The following CAMTA2 variants were observed in gnomAD, a reference collection of about 807,000 sequenced individuals.
CAMTA2 encodes calmodulin binding transcription activator 2.
In CAMTA2, 56 loss-of-function variants were observed where a neutral mutation model predicts 135.7. The ratio of observed to expected loss-of-function variants is 0.41; its 90% CI spans 0.33 to 0.52. CAMTA2 has a LOEUF of 0.52. Among genes scored for constraint, CAMTA2 ranks in the 20% least tolerant of loss-of-function variants. CAMTA2 has a pLI of 0.16. For synonymous variants in CAMTA2, 591 were observed against 604.6 expected (o/e 0.98, Z 0.33); for missense variants, 1,358 against 1,553.4 (o/e 0.87, Z 2.11).
chr17:4,981,685 C>T lies in CAMTA2; in HGVS notation c.558G>A (p.Lys186=). The change falls in exon 7 of 23, where the codon AAG becomes AAA. Residue 186 remains lysine (K), a synonymous_variant. Coordinates refer to ENST00000348066, the MANE Select transcript of CAMTA2 (RefSeq NM_015099.4). The part of the protein sequence containing the change: ...WSREELLGQL[K]PMFHGIKWSC... ...CCCACCCTGCTGCCTTACACATGGG[C>T]TTCAGCTGTCCCAACAACTCCTCCC... 6.2e-7 allele frequency: 1 copy of T among 1,603,588 alleles called. No homozygotes were observed. Among genetic ancestry groups the T allele is most frequent in the Non-Finnish European group, 8.5e-7 (1 of 1,174,622 alleles).
chr17:4,969,512 C>G lies in CAMTA2; in HGVS notation c.3270G>C (p.Trp1090Cys). Reference protein sequence around the residue: ...RCYRKYKQLTWIALKFALYKK... With the variant: ...RCYRKYKQLTCIALKFALYKK... ...TCATGCCTAATACCTTAAGTGCAAT[C>G]CAGGTCAGCTTGTGGAGAGAGAAGG... The change falls in exon 20 of 23, where the codon TGG (tryptophan) becomes TGC (cysteine). Residue 1090 changes from tryptophan (W) to cysteine (C), a missense_variant. Coordinates refer to ENST00000348066, the MANE Select transcript of CAMTA2 (RefSeq NM_015099.4). The surrounding 1 kb of genome is among the most constrained non-coding windows in gnomAD (Gnocchi z 5.6). 1 of 1,614,140 alleles carries G rather than the reference C, an allele frequency of 6.2e-7. No individual in the cohort carries two copies. Among genetic ancestry groups the G allele is most frequent in the Non-Finnish European group, 8.5e-7 (1 of 1,180,008 alleles).
intron 14 of CAMTA2, 72 bp from the exon 15 acceptor site, chr17:4,973,063 G>A: frequency 6.6e-6 from 10 of 1,509,894 alleles, no homozygotes; most frequent in African/African-American, 1.4e-5. Flanking sequence ...CAGGTAGTCA[G>A]GTCTTCAGGC....
Position 4,969,746 on chromosome 17 carries a change from A to G in CAMTA2, c.3190-45T>C. 6.2e-7 allele frequency: 1 copy of G among 1,610,434 alleles called. No individual in the cohort carries two copies. The highest frequency in any genetic ancestry group is 2.2e-5 in the East Asian group (1 of 44,860). On this transcript the variant is annotated intron_variant, in intron 18 of 22. Coordinates refer to ENST00000348066, the MANE Select transcript of CAMTA2 (RefSeq NM_015099.4). This position sits in a 1 kb window ranked among gnomAD's most constrained non-coding sequence, Gnocchi z 5.6. ...ACCACCTCATGACCCACATAATGGCATATCTGACTTGTCCCTTCAACTTTC... is the reference window on the plus strand; with the variant it reads ...ACCACCTCATGACCCACATAATGGCGTATCTGACTTGTCCCTTCAACTTTC...
In CAMTA2 at chr17:4,968,375, CAGT is replaced by C. The variant is rs1297408116; in HGVS notation, c.*378_*380del. 5.8e-6 allele frequency: 2 copies of C among 342,284 alleles called. No homozygotes were observed. The highest frequency in any genetic ancestry group is 4.2e-5 in the African/African-American group (2 of 47,430). The allele number at this position is 342,284 out of a possible 1,614,324, so 21.2% of individuals were successfully genotyped here. The stretch of plus-strand genomic sequence containing the variant: ...ACACGAGGGGCGTGCGCAGCGAAGG[CAGT>C]GGTGGGAACCGAGGCGGATACATTC... On this transcript the variant is annotated 3_prime_UTR_variant, in exon 23 of 23. Transcript: ENST00000348066.
At chr17:4,978,838 C>T (rs1459120447) in intron 9 of CAMTA2, among the ~76,000 whole-genome samples, 2 of 152,184 alleles carry the variant, frequency 1.3e-5, no homozygotes, top group Non-Finnish European at 2.9e-5. Flanking sequence ...TGGTCTCTAC[C>T]TGAATCTGCC....
At chr17:4,985,029 A>C (rs1440245931) in intron 3 of CAMTA2, among the ~76,000 whole-genome samples, 1 of 123,782 alleles carries the variant, frequency 8.1e-6, no homozygotes, top group African/African-American at 2.8e-5. Flanking sequence ...AAAAAAAACA[A>C]ACAAAAATTA....
chr17:4,982,270 C>T (rs1164364256), intron 5 of CAMTA2, 110 bp from the exon 6 acceptor site: 1 of 809,768 alleles, frequency 1.2e-6, no homozygotes, highest in Non-Finnish European at 2.1e-6. Flanking sequence ...CTCTTCAACC[C>T]TTCCCCCACC....
intron 12 of CAMTA2, chr17:4,973,981 G>T (rs1027913972): frequency 1.7e-6 from 1 of 574,646 alleles, no homozygotes; most frequent in Non-Finnish European, 3.1e-6. Flanking sequence ...ACACAATCTT[G>T]CCCATGTGCC....
At position 4,972,409 on chromosome 17, in the gene CAMTA2, C is replaced by T. The variant is rs765769746; in HGVS notation, c.2631G>A (p.Glu877=). ...AGGAAAGCTGGCCTGGGGCCATGTC[C>T]TCCATAGTCATCTCAGAGGCTGGCA... The part of the protein sequence containing the change: ...APLPASEMTM[E]DMAPGQLSSG... Residue 877 remains glutamate, a synonymous_variant, in exon 16 of 23, where the codon GAG becomes GAA. Transcript: ENST00000348066. The T allele has an allele frequency of 3.1e-6, 5 of 1,613,998 alleles. No individual in the cohort carries two copies. In the African/African-American group the frequency reaches 5.3e-5, roughly 17 times the overall value.
At chr17:4,987,201 T>C (rs1973403303) in intron 1 of CAMTA2, 2 of 1,334,136 alleles carry the variant, frequency 1.5e-6, no homozygotes, top group African/African-American at 1.5e-5. Flanking sequence ...GGGCTGCACT[T>C]GGGCGGCGCC....
In CAMTA2 at chr17:4,973,631, C is replaced by T; in HGVS notation, c.2155G>A (p.Ala719Thr). Residue 719 changes from alanine to threonine, a missense_variant, in exon 13 of 23, where the codon GCT (alanine) becomes ACT (threonine). Ala to Thr is a moderately conservative substitution (Grantham distance 58). Around this residue, in one of 4 missense-constraint regions of CAMTA2, gnomAD observed 1,077 missense variants for 1,127.5 expected, o/e 0.96. Transcript: ENST00000348066. ...FRGMSLLHLA[A>T]AQGYARLIET... is the part of the protein sequence containing the mutation. ...ATGAGGCGGGCATAGCCCTGGGCAG[C>T]AGCCAGGTGCAGAAGGCTCATGCCC... The T allele has an allele frequency of 6.2e-7, 1 of 1,613,924 alleles. No individual in the cohort carries two copies. The highest frequency in any genetic ancestry group is 8.5e-7 in the Non-Finnish European group (1 of 1,179,954).
chr17:4,969,894 C>T lies in CAMTA2; in HGVS notation c.3189+8G>A, dbSNP rs1180475823. 1 of 1,613,760 alleles carries T rather than the reference C, an allele frequency of 6.2e-7. No homozygotes were observed. The highest frequency in any genetic ancestry group is 1.7e-5 in the Admixed American group (1 of 60,010). On this transcript the variant is annotated splice_region_variant and intron_variant, in intron 18 of 22. Coordinates refer to ENST00000348066, the MANE Select transcript of CAMTA2 (RefSeq NM_015099.4). This position sits in a 1 kb window ranked among gnomAD's most constrained non-coding sequence, Gnocchi z 5.6. ...TGTGTAATTCATCCTGAGACCCCTGCCCCTGACCTTGTACTTTCGGAAGGC... is the reference window on the plus strand; with the variant it reads ...TGTGTAATTCATCCTGAGACCCCTGTCCCTGACCTTGTACTTTCGGAAGGC...
rs1265717136 is a variant in CAMTA2 at position 4,978,542 on chromosome 17, G to A, written c.1727C>T (p.Ser576Leu). ...CVFDHIAVPASLVQPGVLRCY... is the reference protein window; with the variant it reads ...CVFDHIAVPALLVQPGVLRCY... ...GCGTAAGACACCAGGCTGGACAAGT[G>A]AGGCTGGCACTGCGATGTGATCAAA... is the stretch of plus-strand genomic sequence containing the variant. Residue 576 changes from serine to leucine, a missense_variant, in exon 10 of 23, where the codon TCA becomes TTA. This residue lies in a region of CAMTA2 where 1,077 missense variants were observed against 1,127.5 expected (regional missense o/e 0.96). Coordinates refer to ENST00000348066, the MANE Select transcript of CAMTA2 (RefSeq NM_015099.4). 3 of 1,614,002 alleles carry A rather than the reference G, an allele frequency of 1.9e-6. No homozygotes were observed. Among genetic ancestry groups the A allele is most frequent in the African/African-American group, 2.7e-5 (2 of 74,914 alleles).
chr17:4,977,316 C>G, intron 10 of CAMTA2, 124 bp from the exon 11 acceptor site: 1 of 1,261,212 alleles, frequency 7.9e-7, no homozygotes, highest in Non-Finnish European at 1.1e-6. Context: ...GGCCAAGAGG[C>G]CCCTGGCTTC....
chr17:4,973,035 G>A (rs752137353), intron 14 of CAMTA2, 44 bp from the exon 15 acceptor site: 3 of 1,548,150 alleles, frequency 1.9e-6, no homozygotes, highest in Non-Finnish European at 2.7e-6. Flanking sequence ...GTGGAGGTGA[G>A]GCCAGGGGCT....
Position 4,972,429 on chromosome 17 carries a change from C to T in CAMTA2, c.2611G>A (p.Ala871Thr), listed in dbSNP as rs1018563190. The T allele has an allele frequency of 8.7e-6, 14 of 1,613,874 alleles. No homozygotes were observed. The highest frequency in any genetic ancestry group is 1.2e-5 in the Non-Finnish European group (14 of 1,179,940). ...DGSPPPAPLP[A>T]SEMTMEDMAP... ...ATGTCCTCCATAGTCATCTCAGAGG[C>T]TGGCAGAGGTGCAGGGGGGGGACTG... The change falls in exon 16 of 23, where the codon GCC (alanine) becomes ACC (threonine). Residue 871 changes from alanine (A) to threonine (T), a missense_variant. Coordinates refer to ENST00000348066, the MANE Select transcript of CAMTA2 (RefSeq NM_015099.4).
chr17:4,981,602 G>A, intron 7 of CAMTA2, 76 bp downstream of exon 7: 4 of 1,489,742 alleles, frequency 2.7e-6, no homozygotes, highest in Non-Finnish European at 2.7e-6. Flanking sequence ...CAGGCTTTGG[G>A]TCCAGAACCA....
Position 4,970,426 on chromosome 17 carries a change from T to G in CAMTA2, c.2919A>C (p.Thr973=), listed in dbSNP as rs771047614. 5.6e-6 allele frequency: 9 copies of G among 1,614,076 alleles called. No homozygotes were observed. The Admixed American group carries it at 1.2e-4, about 21-fold the overall frequency. Residue 973 remains threonine, a synonymous_variant, in exon 17 of 23, where the codon ACA becomes ACC. Transcript: ENST00000348066. ...PEAGASMRER[T]GAVGLSETMS... ...TGGTCTCACTGAGCCCCACAGCCCC[T>G]GTCCGCTCCCGCATTGAGGCTCCAG...
At position 4,973,622 on chromosome 17, in the gene CAMTA2, C is replaced by T. The variant is rs201731103; in HGVS notation, c.2164G>A (p.Gly722Ser). Reference sequence around the variant, plus strand: ...AGGGTCTCGATGAGGCGGGCATAGCCCTGGGCAGCAGCCAGGTGCAGAAGG... The same window carrying T: ...AGGGTCTCGATGAGGCGGGCATAGCTCTGGGCAGCAGCCAGGTGCAGAAGG... The part of the protein sequence containing the change: ...MSLLHLAAAQ[G>S]YARLIETLSQ... Residue 722 changes from glycine (G) to serine (S), a missense_variant, in exon 13 of 23, where the codon GGC becomes AGC. Physicochemically the swap from Gly to Ser is moderately conservative, Grantham distance 56. This residue lies in a region of CAMTA2 where 1,077 missense variants were observed against 1,127.5 expected (regional missense o/e 0.96). Coordinates refer to ENST00000348066, the MANE Select transcript of CAMTA2 (RefSeq NM_015099.4). 219 of 1,613,636 alleles carry T rather than the reference C, an allele frequency of 1.4e-4. No individual in the cohort carries two copies. Among genetic ancestry groups the T allele is most frequent in the Non-Finnish European group, 1.8e-4 (216 of 1,179,936 alleles).
Sources: allele counts gnomAD v4.1 joint callset (sites outside exome capture counted in the v4.1 genomes callset), GRCh38; gene constraint gnomAD v4.1.1; regional missense constraint gnomAD v4.1.1; non-coding constraint Gnocchi (gnomAD v3.1); transcripts MANE v1.5; gene names NCBI Gene and HGNC (gene_info 2026-07-23, HGNC 2026-07-21).